Variants in LAMC3 observed in about 807,000 individuals in gnomAD.
LAMC3 encodes the protein laminin subunit gamma-3.
In LAMC3, 128 loss-of-function variants were observed where a neutral mutation model predicts 173.8. The ratio of observed to expected loss-of-function variants is 0.74; its 90% CI spans 0.64 to 0.85. The LOEUF (loss-of-function observed/expected upper bound fraction) is 0.85, where lower values mean the gene tolerates loss of function less well. Ranked by LOEUF, LAMC3 falls within the 40% of genes least tolerant of loss-of-function variation. The pLI, the probability that LAMC3 is intolerant of heterozygous loss-of-function variation, is 0.00. For missense variants in LAMC3, 2,022 were observed against 2,156.0 expected (o/e 0.94, Z 1.23); for synonymous variants, 897 against 909.1 (o/e 0.99, Z 0.24).
chr9:131,059,569 G>A (rs1349456299), intron 12 of LAMC3, among the ~76,000 whole-genome samples: 5 of 122,160 alleles, frequency 4.1e-5, no homozygotes, highest in South Asian at 6.4e-4. Flanking sequence ...CACGCCACAC[G>A]CCACATACAG....
intron 13 of LAMC3, among the ~76,000 whole-genome samples, chr9:131,066,655 A>G (rs1829938688): frequency 6.6e-6 from 1 of 152,110 alleles, no homozygotes; most frequent in Non-Finnish European, 1.5e-5. Flanking sequence ...AGTGCTTACT[A>G]CATGTCAGGC....
In LAMC3 at chr9:131,085,567, G is replaced by A. The variant is rs760688021; in HGVS notation, c.4074G>A (p.Leu1358=). The change falls in exon 25 of 28, where the codon TTG becomes TTA. Residue 1358 remains leucine (L), a synonymous_variant. Coordinates refer to ENST00000361069, the MANE Select transcript of LAMC3 (RefSeq NM_006059.4). ...CCCGGCCCAAGGACCAGGCGGCATT[G>A]CAGAGGAAGGCAGACTCCGTCAGTG... ...QFPRPKDQAA[L]QRKADSVSDR... 3.7e-6 allele frequency: 6 copies of A among 1,614,082 alleles called. No individual in the cohort carries two copies. In the South Asian group the frequency reaches 5.5e-5, roughly 15 times the overall value.
chr9:131,065,035 C>T (rs181121055), intron 13 of LAMC3, among the ~76,000 whole-genome samples: 4,651 of 80,910 alleles, frequency 0.057, 119 homozygotes, highest in Admixed American at 0.078. Flanking sequence ...AACAAGACTC[C>T]ATCTAAAAAA....
At chr9:131,077,156 A>G in intron 21 of LAMC3, 31 bp from the exon 22 acceptor site, 2 of 1,611,772 alleles carry the variant, frequency 1.2e-6, no homozygotes, top group Non-Finnish European at 1.7e-6. Context: ...CTAGTTCTGC[A>G]CCCAGCTCCG....
At chr9:131,047,348 A>G (rs1410788709) in intron 8 of LAMC3, among the ~76,000 whole-genome samples, 1 of 150,244 alleles carries the variant, frequency 6.7e-6, no homozygotes, top group East Asian at 2.0e-4. Flanking sequence ...TATTTTTAGT[A>G]CAGGTCGGGG....
intron 11 of LAMC3, among the ~76,000 whole-genome samples, chr9:131,054,814 GAGAA>G (rs892475740): frequency 3.6e-5 from 4 of 109,896 alleles, no homozygotes; most frequent in South Asian, 3.0e-4. Flanking sequence ...GTGAGAGAGA[GAGAA>G]AGAAAGAAGA....
At chr9:131,061,503 T>G (rs1463219062) in intron 13 of LAMC3, among the ~76,000 whole-genome samples, 1 of 152,122 alleles carries the variant, frequency 6.6e-6, no homozygotes, top group African/African-American at 2.4e-5. Flanking sequence ...AGAGCCTGGG[T>G]TAGTGATAGC....
chr9:131,056,347 C>G (rs1176570674), intron 11 of LAMC3, among the ~76,000 whole-genome samples: 1 of 152,150 alleles, frequency 6.6e-6, no homozygotes, highest in East Asian at 1.9e-4. Context: ...TGTTACCAGT[C>G]TGAGAGATGT....
intron 13 of LAMC3, among the ~76,000 whole-genome samples, chr9:131,065,433 G>A (rs1351314607): frequency 6.6e-6 from 1 of 152,204 alleles, no homozygotes. Context: ...AAAAGGTAAA[G>A]GGGCCAGGGA....
chr9:131,036,676 G>A (rs1358766255), intron 4 of LAMC3, among the ~76,000 whole-genome samples: 3 of 152,154 alleles, frequency 2.0e-5, no homozygotes, highest in Admixed American at 6.5e-5. Flanking sequence ...CAAGCAAGGG[G>A]GTGCTGATGG....
intron 17 of LAMC3, 100 bp downstream of exon 17, chr9:131,069,950 G>A: frequency 7.9e-7 from 1 of 1,270,462 alleles, no homozygotes. Context: ...TACCCCCAGT[G>A]CTCAGGCTTT....
intron 12 of LAMC3, among the ~76,000 whole-genome samples, chr9:131,058,638 A>C (rs1829739944): frequency 6.6e-6 from 1 of 151,622 alleles, no homozygotes; most frequent in Admixed American, 6.6e-5. Flanking sequence ...TCACACCTGT[A>C]ATCCCAGCAC....
In LAMC3 at chr9:131,077,253, G is replaced by A. The variant is rs556323605; in HGVS notation, c.3696G>A (p.Ala1232=). 5.8e-5 allele frequency: 93 copies of A among 1,613,996 alleles called. No individual in the cohort carries two copies. The highest frequency in any genetic ancestry group is 3.1e-4 in the South Asian group (28 of 91,086). ...RTAVAEVLPE[A]ESVLATVQQV... is the part of the protein sequence containing the mutation. ...CTGTGGCAGAGGTGCTGCCTGAAGCGGAAAGCGTGTTGGCCACCGTGCAGC... is the reference window on the plus strand; with the variant it reads ...CTGTGGCAGAGGTGCTGCCTGAAGCAGAAAGCGTGTTGGCCACCGTGCAGC... Residue 1232 remains alanine (A), a synonymous_variant, in exon 22 of 28, where the codon GCG becomes GCA. Transcript: ENST00000361069.
chr9:131,085,631 G>A lies in LAMC3; in HGVS notation c.4138G>A (p.Ala1380Thr), dbSNP rs1464147156. Residue 1380 changes from alanine to threonine, a missense_variant, in exon 25 of 28, where the codon GCG becomes ACG. Coordinates refer to ENST00000361069, the MANE Select transcript of LAMC3 (RefSeq NM_006059.4). The part of the protein sequence containing the change: ...LADTRKKTKQ[A>T]ERMLGNAAPL... ...AGACACGAGAAAGAAGACCAAGCAGGCGGAGAGGATGCTGGGAAACGCGGC... is the reference window on the plus strand; with the variant it reads ...AGACACGAGAAAGAAGACCAAGCAGACGGAGAGGATGCTGGGAAACGCGGC... 1.2e-6 allele frequency: 2 copies of A among 1,614,170 alleles called. No homozygotes were observed. The highest frequency in any genetic ancestry group is 1.7e-6 in the Non-Finnish European group (2 of 1,180,040).
intron 2 of LAMC3, among the ~76,000 whole-genome samples, chr9:131,028,788 C>T (rs758729017): frequency 9.9e-5 from 15 of 152,202 alleles, no homozygotes; most frequent in South Asian, 4.1e-4. Context: ...TGACAGTGTG[C>T]GTAGAGTACT....
At position 131,057,059 on chromosome 9, in the gene LAMC3, A is replaced by T. The variant is rs776456877; in HGVS notation, c.2070A>T (p.Gly690=). The T allele has an allele frequency of 1.4e-5, 22 of 1,614,008 alleles. No individual in the cohort carries two copies. Among genetic ancestry groups the T allele is most frequent in the Non-Finnish European group, 1.8e-5 (21 of 1,180,042 alleles). ...AGTTCTGTGAATCCTGTGCTCCGGG[A>T]TACAAGAGGGAGATGCCACAGGGGG... ...TGQFCESCAP[G]YKREMPQGGP... The change falls in exon 12 of 28, where the codon GGA becomes GGT. Residue 690 remains glycine (G), a synonymous_variant. Transcript: ENST00000361069.
At chr9:131,017,798 G>A (rs1330167612) in intron 1 of LAMC3, among the ~76,000 whole-genome samples, 2 of 151,688 alleles carry the variant, frequency 1.3e-5, no homozygotes, top group East Asian at 3.9e-4. Flanking sequence ...GGCTGAGGCG[G>A]GCGGATCACC....
intron 13 of LAMC3, 72 bp downstream of exon 13, chr9:131,061,295 T>A (rs1369674033): frequency 5.9e-6 from 8 of 1,359,122 alleles, no homozygotes; most frequent in Non-Finnish European, 8.1e-6. Flanking sequence ...TGCCCTGGGC[T>A]CCAGGGTTAG....
chr9:131,038,097 C>T (rs1219921230), intron 4 of LAMC3, among the ~76,000 whole-genome samples: 1 of 152,218 alleles, frequency 6.6e-6, no homozygotes, highest in African/African-American at 2.4e-5. Context: ...TCTGCGACGC[C>T]CTTCCCGCCC....
Sources: allele counts gnomAD v4.1 joint callset (sites outside exome capture counted in the v4.1 genomes callset), GRCh38; gene constraint gnomAD v4.1.1; transcripts MANE v1.5; gene names NCBI Gene and HGNC (gene_info 2026-07-23, HGNC 2026-07-21).